The following SPATA6L variants were observed in gnomAD, a reference collection of about 807,000 sequenced individuals.
The protein encoded by SPATA6L is spermatogenesis associated 6-like protein.
In SPATA6L, 68 loss-of-function variants were observed where a neutral mutation model predicts 49.2. That is an observed-to-expected ratio of 1.38 (90% CI 1.14 to 1.69). The LOEUF (loss-of-function observed/expected upper bound fraction) is 1.69, where lower values mean the gene tolerates loss of function less well. Ranked by LOEUF, SPATA6L falls within the 40% of genes most tolerant of loss-of-function variation. The pLI is 0.00. For synonymous variants in SPATA6L, 198 were observed against 165.7 expected (o/e 1.19, Z -1.50); for missense variants, 668 against 464.3 (o/e 1.44, Z -4.03).
intron 9 of SPATA6L, among the ~76,000 whole-genome samples, chr9:4,609,523 A>G (rs1256166994): frequency 6.6e-6 from 1 of 152,110 alleles, no homozygotes; most frequent in African/African-American, 2.4e-5. Flanking sequence ...TCCAGCATAT[A>G]AACAGAACCA....
intron 3 of SPATA6L, among the ~76,000 whole-genome samples, chr9:4,655,658 C>G (rs376607670): frequency 6.6e-6 from 1 of 151,922 alleles, no homozygotes; most frequent in Non-Finnish European, 1.5e-5. Context: ...AAGCGATTCT[C>G]CTGCCTCAGC....
intron 13 of SPATA6L, among the ~76,000 whole-genome samples, chr9:4,592,128 A>T (rs921578111): frequency 1.3e-5 from 2 of 152,136 alleles, no homozygotes; most frequent in African/African-American, 4.8e-5. Flanking sequence ...CAGCCTGGCC[A>T]ACATGATGAA....
chr9:4,661,343 A>G (rs1839680888), intron 2 of SPATA6L, among the ~76,000 whole-genome samples: 1 of 152,198 alleles, frequency 6.6e-6, no homozygotes, highest in Non-Finnish European at 1.5e-5. Context: ...TAGTGTGAAG[A>G]AGGCTGGTAA....
rs907461689 is a variant in SPATA6L, at chr9:4,661,890, C to T, written c.177+9G>A. ...AGACAACAAAAGCCAATGAGAAAGT[C>T]AAGATCACCTTTTCAAATCTCATGC... is the stretch of plus-strand genomic sequence containing the variant. On this transcript the variant is annotated intron_variant, in intron 2 of 11. Coordinates refer to ENST00000682582, the MANE Select transcript of SPATA6L (RefSeq NM_001353486.2). 3.1e-6 allele frequency: 5 copies of T among 1,613,018 alleles called. No individual in the cohort carries two copies. The South Asian group carries it at 3.3e-5, about 11-fold the overall frequency.
At position 4,600,164 on chromosome 9, in the gene SPATA6L, G is replaced by C. The variant is rs10974638; in HGVS notation, c.*647C>G. Among the ~76,000 whole-genome samples the C allele has an allele frequency of 0.7, 106,862 of 151,732 alleles. 38,253 individuals carry two copies. Among genetic ancestry groups the C allele is most frequent in the Middle Eastern group, 0.81 (237 of 294 alleles). ...TTTACAAAGAATTGCTGGAACGAAG[G>C]AGTAGGAAACAGAAGGAGCAGTTTA... On this transcript the variant is annotated 3_prime_UTR_variant, in exon 12 of 12. Coordinates refer to ENST00000682582, the MANE Select transcript of SPATA6L (RefSeq NM_001353486.2).
At chr9:4,657,369 T>A (rs1312012569) in intron 2 of SPATA6L, among the ~76,000 whole-genome samples, 8 of 152,128 alleles carry the variant, frequency 5.3e-5, no homozygotes, top group African/African-American at 7.2e-5. Context: ...CAAAAATTCA[T>A]GGAATGAAGT....
At chr9:4,646,773 A>C (rs955799781) in intron 3 of SPATA6L, among the ~76,000 whole-genome samples, 1 of 152,218 alleles carries the variant, frequency 6.6e-6, no homozygotes, top group Non-Finnish European at 1.5e-5. Flanking sequence ...ACAAGCGTTC[A>C]TGTCTTTTGA....
At chr9:4,611,914 G>A (rs2130262651) in intron 9 of SPATA6L, among the ~76,000 whole-genome samples, 1 of 152,104 alleles carries the variant, frequency 6.6e-6, no homozygotes, top group South Asian at 2.1e-4. Context: ...CATGATCATA[G>A]CTCACTGCAA....
At chr9:4,603,732 G>T (rs757174016) in intron 11 of SPATA6L, among the ~76,000 whole-genome samples, 1 of 152,132 alleles carries the variant, frequency 6.6e-6, no homozygotes, top group South Asian at 2.1e-4. Context: ...AATTTATGAA[G>T]GAAAAATGCT....
chr9:4,633,286 C>A, intron 4 of SPATA6L: 1 of 155,464 alleles, frequency 6.4e-6, no homozygotes, highest in South Asian at 1.9e-4. Flanking sequence ...TGTTATAGAC[C>A]AAGAAGAATT....
At chr9:4,652,259 A>T (rs1564308481) in intron 3 of SPATA6L, among the ~76,000 whole-genome samples, 1 of 152,132 alleles carries the variant, frequency 6.6e-6, no homozygotes, top group Non-Finnish European at 1.5e-5. Context: ...CGTCTCTACT[A>T]AAAATACAAA....
intron 4 of SPATA6L, among the ~76,000 whole-genome samples, 156 bp downstream of exon 4, chr9:4,635,119 T>G (rs940787836): frequency 6.6e-6 from 1 of 152,290 alleles, no homozygotes; most frequent in Non-Finnish European, 1.5e-5. Flanking sequence ...GAAATCAGTA[T>G]AATTTGGTAC....
intron 5 of SPATA6L, chr9:4,628,595 C>T (rs761233480): frequency 2.6e-4 from 40 of 154,906 alleles, no homozygotes; most frequent in African/African-American, 3.9e-4. Context: ...TACAGGCGCA[C>T]GCCACCATGC....
At chr9:4,614,757 T>C (rs1564160923) in intron 9 of SPATA6L, among the ~76,000 whole-genome samples, 1 of 152,198 alleles carries the variant, frequency 6.6e-6, no homozygotes, top group South Asian at 2.1e-4. Flanking sequence ...TGTTATTATT[T>C]GCCGCTGATA....
chr9:4,640,024 A>G (rs559458794), intron 3 of SPATA6L, among the ~76,000 whole-genome samples: 1 of 152,360 alleles, frequency 6.6e-6, no homozygotes, highest in South Asian at 2.1e-4. Flanking sequence ...GTATAAAAGC[A>G]TTGCTATGAA....
intron 8 of SPATA6L, 21 bp downstream of exon 8, chr9:4,618,843 A>G: frequency 6.2e-7 from 1 of 1,606,408 alleles, no homozygotes; most frequent in African/African-American, 1.3e-5. Context: ...ATCATTTTAC[A>G]AATTCTACTT....
chr9:4,655,749 C>T (rs1837993853), intron 3 of SPATA6L, among the ~76,000 whole-genome samples: 3 of 152,090 alleles, frequency 2.0e-5, no homozygotes, highest in Admixed American at 6.6e-5. Context: ...TGGGGTTTCA[C>T]CATGCTGACC....
intron 13 of SPATA6L, among the ~76,000 whole-genome samples, chr9:4,591,283 A>T (rs1218185553): frequency 6.6e-6 from 1 of 152,202 alleles, no homozygotes; most frequent in Non-Finnish European, 1.5e-5. Flanking sequence ...ACTTTTATTT[A>T]AAGAGCCCTT....
At chr9:4,606,276 C>T (rs528153088) in intron 9 of SPATA6L, among the ~76,000 whole-genome samples, 6 of 140,260 alleles carry the variant, frequency 4.3e-5, no homozygotes, top group Admixed American at 7.3e-5. Flanking sequence ...GCCGGAAGCT[C>T]CAACTGGGTG....
Sources: gnomAD v4.1 joint callset for allele counts (sites outside exome capture counted in the v4.1 genomes callset) on GRCh38, gnomAD v4.1.1 for gene constraint, MANE v1.5 for transcripts, NCBI Gene and HGNC (gene_info 2026-07-23, HGNC 2026-07-21) for gene names.